OPCML: variants seen among roughly 807,000 people sequenced by gnomAD.
OPCML encodes opioid-binding protein/cell adhesion molecule.
OPCML carries 13 observed loss-of-function variants against 37.8 expected under a neutral mutation model. That is an observed-to-expected ratio of 0.34 (90% CI 0.22 to 0.55). The LOEUF is 0.55. Among genes scored for constraint, OPCML ranks in the 20% least tolerant of loss-of-function variants. The pLI, the probability that OPCML is intolerant of heterozygous loss-of-function variation, is 0.91. For synonymous variants in OPCML, 176 were observed against 168.8 expected (o/e 1.04, Z -0.33); for missense variants, 341 against 435.6 (o/e 0.78, Z 1.93).
chr11:133,498,956 T>C (rs535933110), intron 1 of OPCML, among the ~76,000 whole-genome samples: 1 of 152,300 alleles, frequency 6.6e-6, no homozygotes, highest in South Asian at 2.1e-4. Flanking sequence ...GTTACCACTG[T>C]ACAGATGACT....
intron 1 of OPCML, among the ~76,000 whole-genome samples, chr11:133,357,469 C>G (rs1373575743): frequency 2.0e-5 from 3 of 152,214 alleles, no homozygotes; most frequent in Non-Finnish European, 4.4e-5. Context: ...TTATCTGCAG[C>G]AGTTCTTGGC....
At chr11:133,245,465 C>T (rs1940887378) in intron 1 of OPCML, among the ~76,000 whole-genome samples, 2 of 152,196 alleles carry the variant, frequency 1.3e-5, no homozygotes, top group Admixed American at 1.3e-4. Context: ...CATCTGGGAA[C>T]TGCTTTTGCC....
chr11:132,941,995 T>C (rs1472951343), intron 2 of OPCML, among the ~76,000 whole-genome samples: 1 of 152,192 alleles, frequency 6.6e-6, no homozygotes, highest in Admixed American at 6.5e-5. Context: ...ATTGTCACCA[T>C]AACCATCAAA....
At chr11:132,895,183 A>T (rs1175601293) in intron 2 of OPCML, among the ~76,000 whole-genome samples, 1 of 152,200 alleles carries the variant, frequency 6.6e-6, no homozygotes, top group East Asian at 1.9e-4. Flanking sequence ...GCTCATAGAG[A>T]TACATAAAAT....
chr11:132,691,257 A>G (rs553020843), intron 2 of OPCML, among the ~76,000 whole-genome samples: 2 of 152,320 alleles, frequency 1.3e-5, no homozygotes, highest in South Asian at 4.1e-4. Flanking sequence ...TGGCAAGAAG[A>G]TATTTTTGCT....
At chr11:133,209,430 A>G (rs1251329257) in intron 1 of OPCML, among the ~76,000 whole-genome samples, 1 of 152,190 alleles carries the variant, frequency 6.6e-6, no homozygotes, top group Non-Finnish European at 1.5e-5. Flanking sequence ...CGAAAATAGA[A>G]ATGCAAGTGT....
intron 1 of OPCML, among the ~76,000 whole-genome samples, chr11:133,100,517 T>G (rs1257799884): frequency 6.6e-6 from 1 of 152,136 alleles, no homozygotes; most frequent in African/African-American, 2.4e-5. Context: ...AACTCAATAT[T>G]GAAGGAGAAA....
At chr11:132,421,469 C>T (rs1159635115) in intron 7 of OPCML, among the ~76,000 whole-genome samples, 3 of 152,162 alleles carry the variant, frequency 2.0e-5, no homozygotes, top group Non-Finnish European at 2.9e-5. Context: ...TTTGGCTTGC[C>T]TGTCAACCTT....
At chr11:133,062,108 T>C (rs1948353491) in intron 1 of OPCML, among the ~76,000 whole-genome samples, 1 of 152,210 alleles carries the variant, frequency 6.6e-6, no homozygotes, top group African/African-American at 2.4e-5. Flanking sequence ...GTATATGTTG[T>C]GCTAATCTCC....
intron 3 of OPCML, among the ~76,000 whole-genome samples, chr11:132,655,857 T>G (rs956431643): frequency 1.4e-5 from 2 of 146,222 alleles, no homozygotes; most frequent in East Asian, 3.9e-4. Flanking sequence ...AGCAACATCG[T>G]GGTCCTTTTT....
chr11:133,412,109 G>A (rs1372389725), intron 1 of OPCML, among the ~76,000 whole-genome samples: 1 of 152,204 alleles, frequency 6.6e-6, no homozygotes, highest in Non-Finnish European at 1.5e-5. Context: ...AGCAAGGGCA[G>A]AATACAAGCA....
chr11:132,514,018 T>C (rs1483719734), intron 4 of OPCML, among the ~76,000 whole-genome samples: 2 of 152,214 alleles, frequency 1.3e-5, no homozygotes, highest in Non-Finnish European at 2.9e-5. Context: ...AGGAATGTTG[T>C]TTCCAGATGC....
intron 2 of OPCML, among the ~76,000 whole-genome samples, chr11:132,855,041 C>G (rs1253027549): frequency 6.6e-6 from 1 of 152,132 alleles, no homozygotes; most frequent in Non-Finnish European, 1.5e-5. Context: ...TAATAAAAGG[C>G]TATGAGATTA....
chr11:133,371,003 G>A (rs1944662397), intron 1 of OPCML, among the ~76,000 whole-genome samples: 1 of 152,116 alleles, frequency 6.6e-6, no homozygotes. Context: ...TTAAAAAGTG[G>A]ACAAAGGACA....
rs146569199 is a variant in OPCML, at chr11:133,298,212, T to G, written c.61+234052A>C. On this transcript the variant is annotated intron_variant, in intron 1 of 7. Transcript: ENST00000524381. ...TCTTCAGGTTTCATATTGCTTTCTC[T>G]TTCTCCCTTGATCAAATCCCAGACA... The G allele has an allele frequency of 7.2e-5, 11 of 152,258 alleles. No individual in the cohort carries two copies. The East Asian group carries it at 1.5e-3, about 21-fold the overall frequency. The allele number at this position is 152,258 out of a possible 1,614,324, so 9.4% of individuals were successfully genotyped here.
At chr11:133,313,060 C>T (rs143391259) in intron 1 of OPCML, among the ~76,000 whole-genome samples, 6 of 152,196 alleles carry the variant, frequency 3.9e-5, no homozygotes, top group Non-Finnish European at 7.3e-5. Context: ...CATAAGCCTG[C>T]ACTACCGTTT....
rs1438835370 is a variant in OPCML, at chr11:132,951,195, G to A, written c.62-8185C>T. The stretch of plus-strand genomic sequence containing the variant: ...AGACCACCGTAGCAATGAATCTGTA[G>A]AGTACTTGTGAGTGTATGTCTCAGT... On this transcript the variant is annotated intron_variant, in intron 1 of 7. Coordinates refer to ENST00000524381, the MANE Select transcript of OPCML (RefSeq NM_001012393.5). 2.6e-5 allele frequency among the ~76,000 whole-genome samples: 4 copies of A among 152,326 alleles called. No homozygotes were observed. In the East Asian group the frequency reaches 7.7e-4, roughly 29 times the overall value.
intron 3 of OPCML, among the ~76,000 whole-genome samples, chr11:132,635,805 G>A (rs1006006059): frequency 2.6e-5 from 4 of 152,082 alleles, no homozygotes; most frequent in South Asian, 4.1e-4. Flanking sequence ...GACAAAAGAC[G>A]TTTGCAAGGT....
At chr11:133,025,221 G>T in intron 1 of OPCML, 1 of 705,062 alleles carries the variant, frequency 1.4e-6, no homozygotes, top group Non-Finnish European at 1.7e-6. Flanking sequence ...TCATAGAAAT[G>T]TAAATTATTT....
Sources: allele counts gnomAD v4.1 joint callset (sites outside exome capture counted in the v4.1 genomes callset), GRCh38; gene constraint gnomAD v4.1.1; transcripts MANE v1.5; gene names NCBI Gene and HGNC (gene_info 2026-07-23, HGNC 2026-07-21).